TMEM278: variants seen among roughly 807,000 people sequenced by gnomAD.
TMEM278 encodes the protein transmembrane protein 88B.
At chr1:1,429,505 AAAT>A in the TMEM278 span, among the ~76,000 whole-genome samples, 1 of 152,144 alleles carries the variant, frequency 6.6e-6, no homozygotes, top group Admixed American at 6.5e-5. Context: ...ATTCTGTACT[AAAT>A]AATTCCAGTG....
At chr1:1,428,025 A>C in the TMEM278 span, among the ~76,000 whole-genome samples, 1 of 10,250 alleles carries the variant, frequency 9.8e-5, no homozygotes, top group Non-Finnish European at 2.2e-4. Flanking sequence ...GAGAGAGGGG[A>C]GGGGAGGGGA....
the TMEM278 span, among the ~76,000 whole-genome samples, chr1:1,427,979 G>T: frequency 9.5e-4 from 131 of 137,954 alleles, no homozygotes; most frequent in African/African-American, 3.5e-3. Context: ...GAGGGGAAGA[G>T]AGGGGAGGGG....
the TMEM278 span, among the ~76,000 whole-genome samples, chr1:1,426,872 G>A: frequency 6.6e-6 from 1 of 151,950 alleles, no homozygotes; most frequent in East Asian, 1.9e-4. Context: ...ATGAGAGGGC[G>A]CAGGAGGGCA....
the TMEM278 span, chr1:1,426,104 CCA>C: frequency 7.3e-6 from 10 of 1,373,006 alleles, no homozygotes; most frequent in Non-Finnish European, 9.5e-6. Context: ...ACCGCCCGGG[CCA>C]CAGGCCTGCA....
At chr1:1,426,565 T>G in the TMEM278 span, among the ~76,000 whole-genome samples, 2 of 152,092 alleles carry the variant, frequency 1.3e-5, no homozygotes, top group African/African-American at 2.4e-5. Context: ...GAAGAGCTTT[T>G]GTTTTTCACC....
the TMEM278 span, chr1:1,427,557 C>T: frequency 8.6e-7 from 1 of 1,168,914 alleles, no homozygotes; most frequent in Non-Finnish European, 1.0e-6. Flanking sequence ...CCCCCAGGTC[C>T]ACCCCGCTCC....
the TMEM278 span, chr1:1,426,034 C>G: frequency 3.2e-6 from 4 of 1,266,068 alleles, no homozygotes; most frequent in Non-Finnish European, 4.0e-6. Context: ...CTGGCTGCAA[C>G]GTGGGGCGGG....
chr1:1,428,686 A>G, the TMEM278 span, among the ~76,000 whole-genome samples: 6 of 152,008 alleles, frequency 3.9e-5, no homozygotes, highest in African/African-American at 1.2e-4. Context: ...TAACTCATTC[A>G]TTTTATCTTA....
the TMEM278 span, chr1:1,427,898 C>T: frequency 4.7e-6 from 5 of 1,067,216 alleles, no homozygotes; most frequent in Non-Finnish European, 4.8e-6. Context: ...CCTGGCTGGG[C>T]GCGCAGCGCT....
At chr1:1,428,635 A>AC in the TMEM278 span, among the ~76,000 whole-genome samples, 6 of 151,592 alleles carry the variant, frequency 4.0e-5, no homozygotes, top group African/African-American at 1.5e-4. Context: ...ATTTTCTTTT[A>AC]CCCCCTCATC....
chr1:1,426,292 C>T, the TMEM278 span: 4 of 1,496,788 alleles, frequency 2.7e-6, no homozygotes, highest in South Asian at 5.1e-5. Flanking sequence ...TGGCCGGGCT[C>T]CTGCTGCACC....
the TMEM278 span, among the ~76,000 whole-genome samples, chr1:1,426,888 G>A: frequency 8.6e-5 from 13 of 152,034 alleles, no homozygotes; most frequent in South Asian, 2.1e-3. Flanking sequence ...GGGCAGAAGC[G>A]GGCAGAACGC....
the TMEM278 span, chr1:1,426,111 C>T: frequency 7.2e-7 from 1 of 1,383,544 alleles, no homozygotes; most frequent in South Asian, 1.7e-5. Context: ...GGGCCACAGG[C>T]CTGCAGTGGC....
chr1:1,426,124 G>A, the TMEM278 span: 8 of 1,398,934 alleles, frequency 5.7e-6, no homozygotes, highest in East Asian at 2.9e-5. Flanking sequence ...GCAGTGGCAG[G>A]AGCATGAGTG....
At chr1:1,427,006 G>A in the TMEM278 span, among the ~76,000 whole-genome samples, 12 of 149,950 alleles carry the variant, frequency 8.0e-5, no homozygotes, top group African/African-American at 2.2e-4. Flanking sequence ...GGCCCACAGC[G>A]GCCCGCCCCC....
the TMEM278 span, chr1:1,426,286 C>A: frequency 6.7e-7 from 1 of 1,496,820 alleles, no homozygotes; most frequent in Non-Finnish European, 8.9e-7. Flanking sequence ...GGCTGCTGGC[C>A]GGGCTCCTGC....
chr1:1,427,562 C>A, the TMEM278 span: 1 of 1,180,486 alleles, frequency 8.5e-7, no homozygotes, highest in Non-Finnish European at 1.0e-6. Context: ...AGGTCCACCC[C>A]GCTCCGGGTC....
the TMEM278 span, among the ~76,000 whole-genome samples, chr1:1,429,037 T>G: frequency 5.5e-5 from 8 of 146,194 alleles, no homozygotes; most frequent in African/African-American, 1.0e-4. Flanking sequence ...GGCGTGGTGG[T>G]GGGCACCTAT....
the TMEM278 span, chr1:1,426,167 G>A: frequency 2.8e-6 from 4 of 1,416,414 alleles, no homozygotes; most frequent in Admixed American, 3.0e-5. Context: ...GGAGGAGGGG[G>A]GAGGTGGTGC....
Sources: allele counts gnomAD v4.1 joint callset (sites outside exome capture counted in the v4.1 genomes callset), GRCh38; gene constraint gnomAD v4.1.1; transcripts MANE v1.5; gene names NCBI Gene and HGNC (gene_info 2026-07-23, HGNC 2026-07-21).